The following EXPH5 variants were observed in gnomAD, a reference collection of about 807,000 sequenced individuals.
EXPH5 encodes the protein exophilin 5.
Under a neutral mutation model 41.1 loss-of-function variants are expected in EXPH5, and 42 were observed. The observed-to-expected ratio is 1.02, with a 90% CI of 0.80 to 1.32. EXPH5 has a LOEUF of 1.32. EXPH5 is among the 40% of genes most tolerant of loss of function. The probability of loss-of-function intolerance (pLI) is 0.00; values close to 1 mark genes in which losing one functional copy is unlikely to be tolerated. For synonymous variants in EXPH5, 798 were observed against 833.5 expected, an observed-to-expected ratio of 0.96 and a Z score of 0.73; for missense variants, 2,298 against 2,314.5, an observed-to-expected ratio of 0.99 and a Z score of 0.15.
the EXPH5 span, among the ~76,000 whole-genome samples, chr11:108,606,379 A>G: frequency 2.6e-5 from 4 of 151,706 alleles, no homozygotes; most frequent in South Asian, 2.1e-4. Flanking sequence ...TCTCCACTCC[A>G]CTTATCTCTT....
Position 108,512,809 on chromosome 11 carries a change from C to T in EXPH5, c.2698G>A (p.Val900Ile). Reference protein sequence around the residue: ...SKNSSLDAPVVPSTTVFSRRS... With the variant: ...SKNSSLDAPVIPSTTVFSRRS... Reference sequence around the variant, plus strand: ...CTGGAGAACACTGTAGTAGATGGAACCACAGGAGCATCAAGGGAAGAATTC... The same window carrying T: ...CTGGAGAACACTGTAGTAGATGGAATCACAGGAGCATCAAGGGAAGAATTC... The change falls in exon 6 of 6, where the codon GTT becomes ATT. Residue 900 changes from valine (V) to isoleucine (I), a missense_variant. Transcript: ENST00000265843. 6.2e-7 allele frequency: 1 copy of T among 1,614,142 alleles called. No homozygotes were observed.
chr11:108,573,277 T>C (rs976887807), intron 1 of EXPH5, among the ~76,000 whole-genome samples: 3 of 148,160 alleles, frequency 2.0e-5, no homozygotes, highest in African/African-American at 7.5e-5. Context: ...AGAAAAGGAG[T>C]CTACCACCCT....
At position 108,587,161 on chromosome 11, in the gene EXPH5, T is replaced by G. The variant is rs531873323; in HGVS notation, c.119+6257A>C. On this transcript the variant is annotated intron_variant, in intron 1 of 5. Coordinates refer to ENST00000265843, the MANE Select transcript of EXPH5 (RefSeq NM_015065.3). ...ACGATACTTTAAGTTTTAGGGTACA[T>G]GTGCACAATGTGCAGGTTAGTTACA... is the stretch of plus-strand genomic sequence containing the variant. Among the ~76,000 whole-genome samples, 7 of 152,346 alleles carry G rather than the reference T, an allele frequency of 4.6e-5. No homozygotes were observed. In the East Asian group the frequency reaches 1.3e-3, roughly 29 times the overall value.
At chr11:108,517,730 A>T (rs1296412448) in intron 5 of EXPH5, among the ~76,000 whole-genome samples, 1 of 152,174 alleles carries the variant, frequency 6.6e-6, no homozygotes, top group Non-Finnish European at 1.5e-5. Flanking sequence ...CAAACTTTGT[A>T]GATGTATTTC....
At chr11:108,564,447 C>T (rs1034415153) in intron 1 of EXPH5, among the ~76,000 whole-genome samples, 1 of 152,162 alleles carries the variant, frequency 6.6e-6, no homozygotes, top group African/African-American at 2.4e-5. Flanking sequence ...ATGTTTCCCA[C>T]TTAGCATTAC....
chr11:108,571,352 T>C (rs2094059325), intron 1 of EXPH5, among the ~76,000 whole-genome samples: 1 of 152,018 alleles, frequency 6.6e-6, no homozygotes, highest in South Asian at 2.1e-4. Flanking sequence ...AGGAGGGGTG[T>C]TGCTGAGAAT....
At chr11:108,531,504 A>G (rs1247718611) in intron 3 of EXPH5, among the ~76,000 whole-genome samples, 1 of 152,218 alleles carries the variant, frequency 6.6e-6, no homozygotes, top group Non-Finnish European at 1.5e-5. Flanking sequence ...ACTTCCCTGG[A>G]TAATCCAGAA....
Position 108,514,410 on chromosome 11 carries a change from G to A in EXPH5, c.1097C>T (p.Thr366Ile), listed in dbSNP as rs1200254700. 1 of 1,614,018 alleles carries A rather than the reference G, an allele frequency of 6.2e-7. No individual in the cohort carries two copies. ...GTTCCATATGATGGATGATAAAGGA[G>A]TTCTCTTTGGACTCTGCTGGTGCCT... ...PPRHQQSPKR[T>I]PLSSIIWNRS... The change falls in exon 6 of 6, where the codon ACT becomes ATT. Residue 366 changes from threonine to isoleucine, a missense_variant. Physicochemically the swap from Thr to Ile is moderately conservative, Grantham distance 89. Coordinates refer to ENST00000265843, the MANE Select transcript of EXPH5 (RefSeq NM_015065.3).
At chr11:108,520,631 C>T (rs1043821994) in intron 4 of EXPH5, among the ~76,000 whole-genome samples, 5 of 152,086 alleles carry the variant, frequency 3.3e-5, no homozygotes, top group Admixed American at 1.3e-4. Flanking sequence ...TGCAGTGGCG[C>T]GATCTGGGCT....
Position 108,528,239 on chromosome 11 carries a change from C to T in EXPH5, c.444-55G>A, listed in dbSNP as rs773995500. The stretch of plus-strand genomic sequence containing the variant: ...GAAGAAGAGCCTAACTTTTACCAGG[C>T]GGAAAAATCAACAGCACATTTGCCA... On this transcript the variant is annotated intron_variant, in intron 3 of 5. Coordinates refer to ENST00000265843, the MANE Select transcript of EXPH5 (RefSeq NM_015065.3). 8.9e-5 allele frequency: 113 copies of T among 1,266,352 alleles called. No individual in the cohort carries two copies. The African/African-American group carries it at 1.0e-3, about 12-fold the overall frequency. 78.4% of individuals were successfully genotyped at this position (1,266,352 alleles called of 1,614,324 possible). A position where few individuals can be genotyped will look rare whatever the true frequency, so the allele number is the denominator to read the frequency against.
At chr11:108,598,523 TGAA>T (rs1379723456), upstream of EXPH5, among the ~76,000 whole-genome samples, 19 of 69,276 alleles carry the variant, frequency 2.7e-4, no homozygotes, top group South Asian at 3.9e-3. Flanking sequence ...ATAAACGCTA[TGAA>T]GAAAATTAAC....
chr11:108,602,183 T>A, the EXPH5 span, among the ~76,000 whole-genome samples: 1 of 152,370 alleles, frequency 6.6e-6, no homozygotes, highest in East Asian at 1.9e-4. Context: ...GTATCCTGCA[T>A]CCATTTCTAA....
chr11:108,587,099 G>A (rs2094115497), intron 1 of EXPH5, among the ~76,000 whole-genome samples: 1 of 143,462 alleles, frequency 7.0e-6, no homozygotes, highest in East Asian at 2.1e-4. Flanking sequence ...GTGCTAAACA[G>A]GAAGGAAAGC....
intron 1 of EXPH5, among the ~76,000 whole-genome samples, chr11:108,547,776 T>C (rs2136048307): frequency 6.6e-6 from 1 of 152,346 alleles, no homozygotes; most frequent in Admixed American, 6.5e-5. Flanking sequence ...TTAGTAATTA[T>C]ACTTTGTGAC....
chr11:108,572,364 T>C (rs1230849507), intron 1 of EXPH5, among the ~76,000 whole-genome samples: 1 of 151,846 alleles, frequency 6.6e-6, no homozygotes, highest in Non-Finnish European at 1.5e-5. Flanking sequence ...GTTTCTCTGC[T>C]GCTTTTTATC....
chr11:108,509,856 A>G lies in EXPH5; in HGVS notation c.5651T>C (p.Ile1884Thr), dbSNP rs2093664974. Residue 1884 changes from isoleucine to threonine, a missense_variant, in exon 6 of 6, where the codon ATC (isoleucine) becomes ACC (threonine). By Grantham distance (89) the Ile-to-Thr change is moderately conservative. Coordinates refer to ENST00000265843, the MANE Select transcript of EXPH5 (RefSeq NM_015065.3). ...TTCTTTCCCAAAGATCCCATAGTCGATAGGTCTGTATATAGATATTGCAGA... is the reference window on the plus strand; with the variant it reads ...TTCTTTCCCAAAGATCCCATAGTCGGTAGGTCTGTATATAGATATTGCAGA... ...PRSAISIYRPIDYGIFGKEQQ... is the reference protein window; with the variant it reads ...PRSAISIYRPTDYGIFGKEQQ... 6.2e-7 allele frequency: 1 copy of G among 1,612,746 alleles called. No individual in the cohort carries two copies.
At chr11:108,519,480 C>T (rs769044771) in intron 4 of EXPH5, among the ~76,000 whole-genome samples, 18 of 152,266 alleles carry the variant, frequency 1.2e-4, no homozygotes, top group African/African-American at 3.6e-4. Context: ...CGTGCAGTGG[C>T]GCACACCTGT....
intron 1 of EXPH5, among the ~76,000 whole-genome samples, chr11:108,572,699 C>G (rs527663118): frequency 3.9e-5 from 6 of 152,226 alleles, no homozygotes; most frequent in Non-Finnish European, 7.4e-5. Flanking sequence ...GCTGGGGTTA[C>G]AGGCACCTGC....
rs1168721604 is a variant in EXPH5 at position 108,513,394 on chromosome 11, C to T, written c.2113G>A (p.Glu705Lys). ...TGTTTGTCTTCTTCTGAAATAGATTCATTTAAGTCTTTCTCATTATTTACT... is the reference window on the plus strand; with the variant it reads ...TGTTTGTCTTCTTCTGAAATAGATTTATTTAAGTCTTTCTCATTATTTACT... ...TEVNNEKDLN[E>K]SISEEDKQLS... The change falls in exon 6 of 6, where the codon GAA becomes AAA. Residue 705 changes from glutamate (E) to lysine (K), a missense_variant. Transcript: ENST00000265843. The T allele has an allele frequency of 1.9e-6, 3 of 1,613,690 alleles. No individual in the cohort carries two copies. The highest frequency in any genetic ancestry group is 2.7e-5 in the African/African-American group (2 of 74,908).
Sources: gnomAD v4.1 joint callset for allele counts (sites outside exome capture counted in the v4.1 genomes callset) on GRCh38, gnomAD v4.1.1 for gene constraint, MANE v1.5 for transcripts, NCBI Gene and HGNC (gene_info 2026-07-23, HGNC 2026-07-21) for gene names.